MOK: variants seen among roughly 807,000 people sequenced by gnomAD.
The protein encoded by MOK is MOK protein kinase.
In MOK, 59 loss-of-function variants were observed where a neutral mutation model predicts 54.2. That is an observed-to-expected ratio of 1.09 (90% CI 0.88 to 1.35). The LOEUF (loss-of-function observed/expected upper bound fraction) is 1.35. Ranked by LOEUF, MOK falls within the 40% of genes most tolerant of loss-of-function variation. The pLI is 0.00. For missense variants in MOK, 517 were observed against 526.2 expected (o/e 0.98, Z 0.17); for synonymous variants, 210 against 202.7 (o/e 1.04, Z -0.31).
chr14:102,252,718 A>G (rs1034742541), intron 4 of MOK, among the ~76,000 whole-genome samples: 1 of 152,196 alleles, frequency 6.6e-6, no homozygotes, highest in African/African-American at 2.4e-5. Flanking sequence ...TGAATTGACC[A>G]TATTCAGAGT....
At position 102,282,171 on chromosome 14, in the gene MOK, C is replaced by T. The variant is rs1043628111; in HGVS notation, c.122+1307G>A. ...CCTATAATTCCAGCACTTTGGGAGG[C>T]TGAGGCAGAAGGATCACTTGAGCCC... is the stretch of plus-strand genomic sequence containing the variant. On this transcript the variant is annotated intron_variant, in intron 2 of 11. Coordinates refer to ENST00000361847, the MANE Select transcript of MOK (RefSeq NM_014226.3). Among the ~76,000 whole-genome samples the T allele has an allele frequency of 5.9e-5, 9 of 152,192 alleles. No homozygotes were observed. The East Asian group carries it at 1.5e-3, about 26-fold the overall frequency.
intron 4 of MOK, among the ~76,000 whole-genome samples, chr14:102,255,819 G>T (rs993384009): frequency 6.6e-6 from 1 of 152,176 alleles, no homozygotes; most frequent in Non-Finnish European, 1.5e-5. Flanking sequence ...GGCCCCAAAA[G>T]CATTTCCCTC....
At chr14:102,267,513 C>T (rs1178873550) in intron 2 of MOK, among the ~76,000 whole-genome samples, 1 of 152,148 alleles carries the variant, frequency 6.6e-6, no homozygotes, top group Non-Finnish European at 1.5e-5. Context: ...CTGCAGTAAG[C>T]CAAGATTGTG....
chr14:102,288,821 C>T (rs1194843371), intron 1 of MOK, among the ~76,000 whole-genome samples: 1 of 152,234 alleles, frequency 6.6e-6, no homozygotes, highest in Non-Finnish European at 1.5e-5. Context: ...ACCAGTAACA[C>T]TCTGCTTCTT....
Position 102,231,808 on chromosome 14 carries a change from G to A in MOK, c.880C>T (p.Arg294Trp), listed in dbSNP as rs201589543. The change falls in exon 10 of 12, where the codon CGG becomes TGG. Residue 294 changes from arginine to tryptophan, a missense_variant. Transcript: ENST00000361847. The surrounding 1 kb of genome is among the most constrained non-coding windows in gnomAD (Gnocchi z 4.4). ...YFQEQRKTEK[R>W]ALGSHRKAGF... Reference sequence around the variant, plus strand: ...GCTTTTCTGTGGCTGCCCAGAGCCCGCTTCTCTGTTTTCCTACGGGGAAGG... The same window carrying A: ...GCTTTTCTGTGGCTGCCCAGAGCCCACTTCTCTGTTTTCCTACGGGGAAGG... The A allele has an allele frequency of 2.0e-5, 32 of 1,611,430 alleles. No homozygotes were observed. Among genetic ancestry groups the A allele is most frequent in the Middle Eastern group, 1.8e-4 (1 of 5,470 alleles).
At chr14:102,227,540 G>A (rs1298280885), downstream of MOK, among the ~76,000 whole-genome samples, 6 of 152,306 alleles carry the variant, frequency 3.9e-5, no homozygotes, top group African/African-American at 9.6e-5. Flanking sequence ...AGGAGCCCGG[G>A]GAAAGGCCTG....
chr14:102,279,278 G>A (rs145137499), intron 2 of MOK, among the ~76,000 whole-genome samples: 59 of 145,828 alleles, frequency 4.0e-4, no homozygotes, highest in East Asian at 3.9e-3. Context: ...AGCATAGCAA[G>A]AGAACCGTTG....
chr14:102,251,799 C>T lies in MOK; in HGVS notation c.368G>A (p.Gly123Glu), dbSNP rs1472224633. 6.4e-7 allele frequency: 1 copy of T among 1,571,956 alleles called. No homozygotes were observed. The highest frequency in any genetic ancestry group is 1.7e-5 in the Admixed American group (1 of 59,416). ...TGGTTTTACATCTCTGTGAAATATT[C>T]CATTTCTGCATTCAGTATAAAGGAA... Reference protein sequence around the residue: ...CKSLDHIHRNGIFHRDVKPEN... With the variant: ...CKSLDHIHRNEIFHRDVKPEN... The change falls in exon 6 of 12, where the codon GGA (glycine) becomes GAA (glutamate). Residue 123 changes from glycine (G) to glutamate (E), a missense_variant. By Grantham distance (98) the Gly-to-Glu change is moderately conservative (BLOSUM62 -2). Transcript: ENST00000361847.
intron 1 of MOK, among the ~76,000 whole-genome samples, chr14:102,302,607 G>A (rs1282898566): frequency 6.6e-6 from 1 of 151,244 alleles, no homozygotes; most frequent in Non-Finnish European, 1.5e-5. Context: ...AGTAGAGCCG[G>A]GGTTTCACCG....
chr14:102,280,082 G>A (rs914308666), intron 2 of MOK, among the ~76,000 whole-genome samples: 9 of 151,746 alleles, frequency 5.9e-5, no homozygotes, highest in African/African-American at 1.2e-4. Flanking sequence ...AAGCAGAAAC[G>A]GATTTTTGCG....
chr14:102,269,107 T>A (rs1472407379), intron 2 of MOK, among the ~76,000 whole-genome samples: 2 of 152,090 alleles, frequency 1.3e-5, no homozygotes, highest in East Asian at 3.8e-4. Context: ...TTACTACTAC[T>A]TATGATTTCA....
At chr14:102,239,589 G>A (rs1025413973) in intron 7 of MOK, among the ~76,000 whole-genome samples, 10 of 152,130 alleles carry the variant, frequency 6.6e-5, no homozygotes, top group Non-Finnish European at 1.0e-4. Context: ...CCCTTAACCC[G>A]GCTGGGCACA....
chr14:102,291,117 T>C (rs867094828), intron 1 of MOK, among the ~76,000 whole-genome samples: 15 of 152,104 alleles, frequency 9.9e-5, no homozygotes, highest in African/African-American at 3.6e-4. Context: ...AAGGCAGGAG[T>C]GAGCCCCGCT....
intron 2 of MOK, 44 bp from the exon 3 acceptor site, chr14:102,265,956 C>A: frequency 2.2e-6 from 3 of 1,386,568 alleles, no homozygotes; most frequent in South Asian, 2.5e-5. Flanking sequence ...CAGTTTAGGT[C>A]AACTTCAAAA....
intron 8 of MOK, chr14:102,233,383 T>G: frequency 3.2e-6 from 1 of 315,126 alleles, no homozygotes; most frequent in Non-Finnish European, 6.0e-6. Flanking sequence ...TGGGGAACGT[T>G]TCCACCCAAA....
At chr14:102,224,957 G>A (rs2064183496), downstream of MOK, 1 of 372,354 alleles carries the variant, frequency 2.7e-6, no homozygotes, top group Non-Finnish European at 5.2e-6. Context: ...TGATTGCTAG[G>A]TGCTGTCAGT....
At chr14:102,303,624 T>C (rs750050524) in intron 1 of MOK, among the ~76,000 whole-genome samples, 5 of 152,240 alleles carry the variant, frequency 3.3e-5, no homozygotes, top group Non-Finnish European at 5.9e-5. Context: ...CAGAGTATTG[T>C]ATCATTGTTA....
chr14:102,262,294 C>T (rs1360625993), intron 4 of MOK, among the ~76,000 whole-genome samples: 2 of 152,164 alleles, frequency 1.3e-5, no homozygotes, highest in African/African-American at 4.8e-5. Context: ...TACAGGCATA[C>T]ACCACCATGC....
Position 102,240,683 on chromosome 14 carries a change from T to C in MOK, c.591-6894A>G, listed in dbSNP as rs933758521. The C allele has an allele frequency of 2.0e-5, 3 of 152,154 alleles. No individual in the cohort carries two copies. Among genetic ancestry groups the C allele is most frequent in the African/African-American group, 7.2e-5 (3 of 41,408 alleles). The allele number at this position is 152,154 out of a possible 1,614,324, so 9.4% of individuals were successfully genotyped here. A position where few individuals can be genotyped will look rare whatever the true frequency, so the allele number is the denominator to read the frequency against. Reference sequence around the variant, plus strand: ...TGCCTGATTATTCACCCACACTCCATTGGTGTCTGATCACCGCGAGGATGC... The same window carrying C: ...TGCCTGATTATTCACCCACACTCCACTGGTGTCTGATCACCGCGAGGATGC... On this transcript the variant is annotated intron_variant, in intron 7 of 11. Transcript: ENST00000361847. The surrounding 1 kb of genome is among the most constrained non-coding windows in gnomAD (Gnocchi z 5.4).
Sources: gnomAD v4.1 joint callset for allele counts (sites outside exome capture counted in the v4.1 genomes callset) on GRCh38, gnomAD v4.1.1 for gene constraint, Gnocchi (gnomAD v3.1) non-coding constraint, MANE v1.5 for transcripts, NCBI Gene and HGNC (gene_info 2026-07-23, HGNC 2026-07-21) for gene names.